Variants in SUSD5 observed in about 807,000 individuals in gnomAD.
SUSD5 encodes sushi domain containing 5.
SUSD5 carries 33 observed loss-of-function variants against 29.5 expected under a neutral mutation model. That is an observed-to-expected ratio of 1.12 (90% CI 0.85 to 1.49). The LOEUF (loss-of-function observed/expected upper bound fraction) is 1.49, where lower values mean the gene tolerates loss of function less well. SUSD5 is among the 40% of genes most tolerant of loss of function. The probability of loss-of-function intolerance (pLI) is 0.00; values close to 1 mark genes in which losing one functional copy is unlikely to be tolerated. For missense variants in SUSD5, 776 were observed against 800.6 expected (o/e 0.97, Z 0.37); for synonymous variants, 308 against 325.3 (o/e 0.95, Z 0.57).
rs1360633819 is a variant in SUSD5, at chr3:33,167,810, G to A, written c.598+7076C>T. ...GAAGCCCAGCTCTCTGCCTGTGGAG[G>A]TACTGTATCTCTCACCTCCCCTCTG... is the stretch of plus-strand genomic sequence containing the variant. On this transcript the variant is annotated intron_variant, in intron 4 of 4. Coordinates refer to ENST00000309558, the MANE Select transcript of SUSD5 (RefSeq NM_015551.2). This position sits in a 1 kb window ranked among gnomAD's most constrained non-coding sequence, Gnocchi z 4.1. Among the ~76,000 whole-genome samples, 1 of 152,156 alleles carries A rather than the reference G, an allele frequency of 6.6e-6. No individual in the cohort carries two copies. The highest frequency in any genetic ancestry group is 1.9e-4 in the East Asian group (1 of 5,186).
At position 33,207,933 on chromosome 3, in the gene SUSD5, T is replaced by C. The variant is rs781237484; in HGVS notation, c.291-7A>G. On this transcript the variant is annotated splice_polypyrimidine_tract_variant and splice_region_variant and intron_variant, in intron 2 of 4. Transcript: ENST00000309558. ...TTTGCTACACACAGTTGTTCTGAAA[T>C]AGACAAAAAAGGCACTGAATGAGGA... is the stretch of plus-strand genomic sequence containing the variant. 1.2e-6 allele frequency: 2 copies of C among 1,607,808 alleles called. No homozygotes were observed. Among genetic ancestry groups the C allele is most frequent in the African/African-American group, 1.3e-5 (1 of 74,562 alleles).
chr3:33,215,863 T>A (rs1293027422), intron 1 of SUSD5, among the ~76,000 whole-genome samples: 1 of 152,166 alleles, frequency 6.6e-6, no homozygotes, highest in Non-Finnish European at 1.5e-5. Context: ...ATTTATAGCC[T>A]CAGATCTCAC....
rs2031335591 is a variant in SUSD5 at position 33,167,806 on chromosome 3, G to A, written c.598+7080C>T. 6.6e-6 allele frequency among the ~76,000 whole-genome samples: 1 copy of A among 152,168 alleles called. No individual in the cohort carries two copies. Among genetic ancestry groups the A allele is most frequent in the Admixed American group, 6.5e-5 (1 of 15,272 alleles). ...TGGAGAAGCCCAGCTCTCTGCCTGT[G>A]GAGGTACTGTATCTCTCACCTCCCC... On this transcript the variant is annotated intron_variant, in intron 4 of 4. Transcript: ENST00000309558. The surrounding 1 kb of genome is among the most constrained non-coding windows in gnomAD (Gnocchi z 4.1).
intron 3 of SUSD5, among the ~76,000 whole-genome samples, chr3:33,196,139 G>C (rs749942339): frequency 6.6e-6 from 1 of 152,286 alleles, no homozygotes; most frequent in Non-Finnish European, 1.5e-5. Flanking sequence ...TTCAAGTCAT[G>C]ATGGTAACTG....
chr3:33,199,362 C>T (rs1345745726), intron 3 of SUSD5, among the ~76,000 whole-genome samples: 1 of 152,196 alleles, frequency 6.6e-6, no homozygotes, highest in Non-Finnish European at 1.5e-5. Flanking sequence ...CAGGCTCCGC[C>T]TCCCGGGTTC....
At chr3:33,172,669 G>A (rs1216813379) in intron 4 of SUSD5, among the ~76,000 whole-genome samples, 1 of 152,252 alleles carries the variant, frequency 6.6e-6, no homozygotes, top group East Asian at 1.9e-4. Context: ...CTCAAACTGT[G>A]CTTTCAGCAC....
chr3:33,168,677 T>A, intron 4 of SUSD5: 1 of 767,586 alleles, frequency 1.3e-6, no homozygotes, highest in Non-Finnish European at 1.6e-6. Flanking sequence ...TGAGACAGAA[T>A]CTCACTCCGT....
At chr3:33,201,158 T>G (rs2032110297) in intron 3 of SUSD5, among the ~76,000 whole-genome samples, 1 of 152,168 alleles carries the variant, frequency 6.6e-6, no homozygotes, top group Non-Finnish European at 1.5e-5. Flanking sequence ...TGGAATAGCA[T>G]GTAGGCAGAT....
rs773702662 is a variant in SUSD5 at position 33,152,853 on chromosome 3, C to A, written c.1779G>T (p.Gly593=). The A allele has an allele frequency of 5.0e-6, 8 of 1,613,996 alleles. No homozygotes were observed. The highest frequency in any genetic ancestry group is 5.9e-6 in the Non-Finnish European group (7 of 1,179,902). Residue 593 remains glycine, a synonymous_variant, in exon 5 of 5, where the codon GGG becomes GGT. Transcript: ENST00000309558. ...LCLLLLLAGV[G]MVWGYRKCQH... is the part of the protein sequence containing the mutation. ...GGCACTTGCGGTAGCCCCACACCAT[C>A]CCCACACCTGCCAGGAGCAGCAGTA... is the stretch of plus-strand genomic sequence containing the variant.
At chr3:33,191,142 T>C (rs2031881951) in intron 3 of SUSD5, among the ~76,000 whole-genome samples, 2 of 152,048 alleles carry the variant, frequency 1.3e-5, no homozygotes, top group South Asian at 4.1e-4. Context: ...TTTGTTTTTT[T>C]TTTTTGAGAT....
intron 3 of SUSD5, among the ~76,000 whole-genome samples, chr3:33,180,906 A>C (rs1261501798): frequency 6.7e-6 from 1 of 149,976 alleles, no homozygotes; most frequent in Non-Finnish European, 1.5e-5. Context: ...TTGTTCTTTA[A>C]CTCCTGGCCT....
At chr3:33,154,808 C>G (rs188197567) in intron 4 of SUSD5, among the ~76,000 whole-genome samples, 81 of 152,252 alleles carry the variant, frequency 5.3e-4, no homozygotes, top group African/African-American at 1.9e-3. Context: ...AGACCATGAT[C>G]ATGTAGTAGA....
rs1224619787 is a variant in SUSD5, at chr3:33,153,056, C to G, written c.1576G>C (p.Val526Leu). The change falls in exon 5 of 5, where the codon GTT (valine) becomes CTT (leucine). Residue 526 changes from valine (V) to leucine (L), a missense_variant. By Grantham distance (32) the Val-to-Leu change is conservative. Transcript: ENST00000309558. The stretch of plus-strand genomic sequence containing the variant: ...GGGAAGCTATCCTGGATCTCAGGAA[C>G]AGTGGTTTCTACTGGAGGCTGGGTG... ...ATTQPPVETT[V>L]PEIQDSFPYL... 1.2e-6 allele frequency: 2 copies of G among 1,613,814 alleles called. No individual in the cohort carries two copies. The highest frequency in any genetic ancestry group is 1.7e-5 in the Admixed American group (1 of 60,002).
chr3:33,180,559 G>C (rs1415152398), intron 3 of SUSD5, among the ~76,000 whole-genome samples: 3 of 152,056 alleles, frequency 2.0e-5, no homozygotes, highest in Non-Finnish European at 4.4e-5. Flanking sequence ...AGGTGCAGTG[G>C]CTCATGCCTG....
intron 4 of SUSD5, among the ~76,000 whole-genome samples, chr3:33,165,774 T>C (rs1050822627): frequency 2.6e-5 from 4 of 152,214 alleles, no homozygotes; most frequent in Non-Finnish European, 4.4e-5. Context: ...TATTGTACTT[T>C]GTTAAGATGT....
chr3:33,165,820 T>C (rs2031291357), intron 4 of SUSD5, among the ~76,000 whole-genome samples: 1 of 152,196 alleles, frequency 6.6e-6, no homozygotes, highest in Admixed American at 6.5e-5. Context: ...CATTCATTCA[T>C]CTTAAGATGT....
At chr3:33,159,856 G>A (rs1013049813) in intron 4 of SUSD5, among the ~76,000 whole-genome samples, 1 of 152,150 alleles carries the variant, frequency 6.6e-6, no homozygotes, top group African/African-American at 2.4e-5. Flanking sequence ...ATGAATTTCA[G>A]AAACTAGTTA....
At position 33,214,050 on chromosome 3, in the gene SUSD5, A is replaced by G. The variant is rs1318401178; in HGVS notation, c.168T>C (p.Ala56=). The change falls in exon 2 of 5, where the codon GCT becomes GCC. Residue 56 remains alanine (A), a synonymous_variant. Coordinates refer to ENST00000309558, the MANE Select transcript of SUSD5 (RefSeq NM_015551.2). ...CCCTGCTCTTGCAGGAAAGCCGAGCAGCCTCCAGTTGTAGGCCCTGAGAGC... is the reference window on the plus strand; with the variant it reads ...CCCTGCTCTTGCAGGAAAGCCGAGCGGCCTCCAGTTGTAGGCCCTGAGAGC... ...QNGSQGLQLE[A]ARLSCKSRGA... The G allele has an allele frequency of 1.2e-6, 2 of 1,613,552 alleles. No individual in the cohort carries two copies. The highest frequency in any genetic ancestry group is 2.7e-5 in the African/African-American group (2 of 74,938).
At chr3:33,175,130 T>C in intron 3 of SUSD5, 56 bp from the exon 4 acceptor site, 1 of 1,580,692 alleles carries the variant, frequency 6.3e-7, no homozygotes, top group Non-Finnish European at 8.7e-7. Context: ...TTTTTCAGCC[T>C]ATGAGAAAAC....
Sources: gnomAD v4.1 joint callset for allele counts (sites outside exome capture counted in the v4.1 genomes callset) on GRCh38, gnomAD v4.1.1 for gene constraint, Gnocchi (gnomAD v3.1) non-coding constraint, MANE v1.5 for transcripts, NCBI Gene and HGNC (gene_info 2026-07-23, HGNC 2026-07-21) for gene names.